The following ANKFN1 variants were observed in gnomAD, a reference collection of about 807,000 sequenced individuals.
ANKFN1 encodes ankyrin repeat and fibronectin type III domain containing 1.
ANKFN1 carries 74 observed loss-of-function variants against 108.7 expected under a neutral mutation model. The observed-to-expected ratio is 0.68, with a 90% CI of 0.56 to 0.83. The LOEUF (loss-of-function observed/expected upper bound fraction) is 0.83, where lower values mean the gene tolerates loss of function less well. Ranked by LOEUF, ANKFN1 falls within the 40% of genes least tolerant of loss-of-function variation. The probability of loss-of-function intolerance (pLI) is 0.00; values close to 1 mark genes in which losing one functional copy is unlikely to be tolerated. For synonymous variants in ANKFN1, 547 were observed against 516.2 expected (o/e 1.06, Z -0.81); for missense variants, 1,505 against 1,382.3 (o/e 1.09, Z -1.41).
intron 4 of ANKFN1, among the ~76,000 whole-genome samples, chr17:56,106,409 G>C (rs1196228865): frequency 6.6e-6 from 1 of 152,202 alleles, no homozygotes; most frequent in Non-Finnish European, 1.5e-5. Context: ...GTGTACAAAG[G>C]TAAGCATGGA....
chr17:56,272,567 C>T (rs2144189278), intron 3 of ANKFN1, among the ~76,000 whole-genome samples: 2 of 152,152 alleles, frequency 1.3e-5, no homozygotes, highest in East Asian at 3.9e-4. Context: ...TTTGTTAATC[C>T]ATTAATCCAT....
At chr17:56,212,031 T>C (rs937212986) in intron 1 of ANKFN1, among the ~76,000 whole-genome samples, 6 of 152,086 alleles carry the variant, frequency 3.9e-5, no homozygotes, top group Admixed American at 1.3e-4. Context: ...AGGTATATGA[T>C]CATATCATCA....
chr17:56,154,447 C>T (rs140307927), intron 1 of ANKFN1, among the ~76,000 whole-genome samples: 8 of 152,152 alleles, frequency 5.3e-5, no homozygotes, highest in South Asian at 4.2e-4. Flanking sequence ...AAGGAGGAGG[C>T]CAGAGCACCG....
At chr17:56,175,927 G>C (rs1238603507) in intron 1 of ANKFN1, among the ~76,000 whole-genome samples, 21 of 151,946 alleles carry the variant, frequency 1.4e-4, no homozygotes, top group Admixed American at 1.3e-3. Context: ...AAGATAGTAG[G>C]GGGGTGGGGG....
chr17:56,494,776 C>T (rs2051145597), intron 19 of ANKFN1, among the ~76,000 whole-genome samples: 1 of 152,084 alleles, frequency 6.6e-6, no homozygotes, highest in African/African-American at 2.4e-5. Flanking sequence ...TTTAGAGGAA[C>T]ACTTCTCTAC....
rs536147448 is a variant in ANKFN1 at position 56,295,397 on chromosome 17, G to T, written c.54-30824G>T. ...ATTCTCAAAGGTGATCCCAAGACCA[G>T]TAATACCTGTATCAGTATCACCTGG... is the stretch of plus-strand genomic sequence containing the variant. On this transcript the variant is annotated intron_variant, in intron 3 of 20. Coordinates refer to ENST00000682825, the MANE Select transcript of ANKFN1 (RefSeq NM_001370326.1). 3.3e-5 allele frequency among the ~76,000 whole-genome samples: 5 copies of T among 152,302 alleles called. No individual in the cohort carries two copies. The East Asian group carries it at 9.6e-4, about 29-fold the overall frequency.
intron 6 of ANKFN1, among the ~76,000 whole-genome samples, chr17:56,362,621 A>G (rs1201655236): frequency 6.6e-6 from 1 of 152,242 alleles, no homozygotes; most frequent in Non-Finnish European, 1.5e-5. Flanking sequence ...AAAGACATAA[A>G]CATAAAACCA....
At chr17:56,477,007 AT>A (rs2050522543) in intron 15 of ANKFN1, among the ~76,000 whole-genome samples, 1 of 152,224 alleles carries the variant, frequency 6.6e-6, no homozygotes, top group African/African-American at 2.4e-5. Flanking sequence ...TTACTATAAA[AT>A]TTGGATTCTA....
intron 3 of ANKFN1, among the ~76,000 whole-genome samples, chr17:56,266,409 A>G (rs2043652866): frequency 6.6e-6 from 1 of 152,076 alleles, no homozygotes; most frequent in Admixed American, 6.6e-5. Context: ...CTCTACCTAC[A>G]TACCTTTCAT....
intron 2 of ANKFN1, among the ~76,000 whole-genome samples, chr17:56,222,624 T>C (rs1047619352): frequency 2.0e-5 from 3 of 152,156 alleles, no homozygotes; most frequent in African/African-American, 7.2e-5. Context: ...TTCTTGAAAC[T>C]CAAAAATATT....
chr17:56,479,456 G>T (rs1447132231), intron 16 of ANKFN1, among the ~76,000 whole-genome samples: 1 of 152,166 alleles, frequency 6.6e-6, no homozygotes, highest in South Asian at 2.1e-4. Context: ...TCAATTATTT[G>T]TGAAGCCAAC....
Position 56,499,106 on chromosome 17 carries a change from A to G in ANKFN1, c.2644+8A>G. On this transcript the variant is annotated splice_region_variant and intron_variant, in intron 20 of 20. Transcript: ENST00000682825. ...GAAGAAAGACAGTGAGTGGTAAGCAATGAGATCTGAAGTTCTGTTGTTTAG... is the reference window on the plus strand; with the variant it reads ...GAAGAAAGACAGTGAGTGGTAAGCAGTGAGATCTGAAGTTCTGTTGTTTAG... 6.5e-7 allele frequency: 1 copy of G among 1,535,070 alleles called. No individual in the cohort carries two copies. The highest frequency in any genetic ancestry group is 8.7e-7 in the Non-Finnish European group (1 of 1,146,160).
chr17:56,327,118 CA>C (rs1230456920), intron 4 of ANKFN1, among the ~76,000 whole-genome samples: 1 of 152,164 alleles, frequency 6.6e-6, no homozygotes, highest in African/African-American at 2.4e-5. Flanking sequence ...CACTGATAAT[CA>C]AGACTGAATT....
chr17:56,326,362 C>A lies in ANKFN1; in HGVS notation c.188+7C>A, dbSNP rs1263981300. The A allele has an allele frequency of 6.2e-7, 1 of 1,604,924 alleles. No individual in the cohort carries two copies. The highest frequency in any genetic ancestry group is 8.5e-7 in the Non-Finnish European group (1 of 1,177,126). ...CCTCGAACAGCATAAACTGGTAAGT[C>A]AAATTTACTGTTGTCTTTCTTCATG... On this transcript the variant is annotated splice_region_variant and intron_variant, in intron 4 of 20. Coordinates refer to ENST00000682825, the MANE Select transcript of ANKFN1 (RefSeq NM_001370326.1).
intron 3 of ANKFN1, among the ~76,000 whole-genome samples, chr17:56,302,092 T>C (rs2044685365): frequency 6.6e-6 from 1 of 152,330 alleles, no homozygotes; most frequent in East Asian, 1.9e-4. Context: ...TCATTCTCCC[T>C]ATTTTACAGA....
chr17:56,145,122 T>C (rs961808501), intron 4 of ANKFN1, among the ~76,000 whole-genome samples: 1 of 152,158 alleles, frequency 6.6e-6, no homozygotes, highest in Non-Finnish European at 1.5e-5. Context: ...GTTTTTAATT[T>C]TATCTTGTTC....
At chr17:56,107,258 G>A (rs905370394) in intron 4 of ANKFN1, among the ~76,000 whole-genome samples, 2 of 152,118 alleles carry the variant, frequency 1.3e-5, no homozygotes, top group East Asian at 1.9e-4. Flanking sequence ...AGGTTTCAAG[G>A]TGCCCAAGAA....
At chr17:56,381,342 CAG>C (rs2047097591) in intron 8 of ANKFN1, among the ~76,000 whole-genome samples, 2 of 152,128 alleles carry the variant, frequency 1.3e-5, no homozygotes, top group African/African-American at 4.8e-5. Context: ...GGGGAAAAAA[CAG>C]AGCAGAATAA....
intron 4 of ANKFN1, among the ~76,000 whole-genome samples, chr17:56,133,015 C>T (rs567490390): frequency 1.1e-4 from 17 of 152,184 alleles, no homozygotes. Flanking sequence ...GGTGCAAGTG[C>T]CAAACACAAA....
Sources: allele counts gnomAD v4.1 joint callset (sites outside exome capture counted in the v4.1 genomes callset), GRCh38; gene constraint gnomAD v4.1.1; transcripts MANE v1.5; gene names NCBI Gene and HGNC (gene_info 2026-07-23, HGNC 2026-07-21).